The following PLD5 variants were observed in gnomAD, a reference collection of about 807,000 sequenced individuals.
PLD5 encodes inactive phospholipase D5.
A neutral mutation model predicts 61.1 loss-of-function variants in PLD5; 36 were observed. The observed-to-expected ratio is 0.59, with a 90% CI of 0.45 to 0.78. The LOEUF is 0.78. Ranked by LOEUF, PLD5 falls within the 30% of genes least tolerant of loss-of-function variation. The pLI, the probability that PLD5 is intolerant of heterozygous loss-of-function variation, is 0.00. For synonymous variants in PLD5, 243 were observed against 242.8 expected (o/e 1.00, Z -0.01); for missense variants, 515 against 644.4 (o/e 0.80, Z 2.17).
At chr1:242,261,285 C>T (rs567020031) in intron 4 of PLD5, among the ~76,000 whole-genome samples, 13 of 152,246 alleles carry the variant, frequency 8.5e-5, no homozygotes, top group Admixed American at 3.9e-4. Flanking sequence ...CTTTTTTAAA[C>T]GAACGACCCT....
chr1:242,255,055 C>G (rs1260783821), intron 4 of PLD5, among the ~76,000 whole-genome samples: 2 of 152,082 alleles, frequency 1.3e-5, no homozygotes, highest in Admixed American at 6.6e-5. Flanking sequence ...GAAAAGCATG[C>G]CGGGGTGACC....
Position 242,508,367 on chromosome 1 carries a change from C to G in PLD5, c.189+15721G>C, listed in dbSNP as rs535214442. 3.1e-3 allele frequency among the ~76,000 whole-genome samples: 474 copies of G among 151,512 alleles called. 3 individuals are homozygous for G. The highest frequency in any genetic ancestry group is 0.011 in the African/African-American group (454 of 41,042). The stretch of plus-strand genomic sequence containing the variant: ...CAGCCTGGGCAACAGGGGTGAAACT[C>G]CGTCTCAAAAAAAAAAAAATTTTGT... On this transcript the variant is annotated intron_variant, in intron 1 of 9. Coordinates refer to ENST00000536534, the MANE Select transcript of PLD5 (RefSeq NM_001372062.1).
At chr1:242,385,878 T>G (rs1160950592) in intron 1 of PLD5, among the ~76,000 whole-genome samples, 1 of 152,180 alleles carries the variant, frequency 6.6e-6, no homozygotes, top group Non-Finnish European at 1.5e-5. Context: ...ACTGAGTGTA[T>G]TTCAAAGCTG....
intron 5 of PLD5, among the ~76,000 whole-genome samples, chr1:242,135,363 A>G (rs1215916675): frequency 6.6e-6 from 1 of 152,172 alleles, no homozygotes; most frequent in African/African-American, 2.4e-5. Context: ...CACTTCTGCC[A>G]TACCTTCTGC....
intron 4 of PLD5, among the ~76,000 whole-genome samples, chr1:242,245,924 C>T (rs1160987206): frequency 1.3e-5 from 2 of 152,160 alleles, no homozygotes; most frequent in Non-Finnish European, 2.9e-5. Flanking sequence ...GCATTTCCCT[C>T]CTTATACCAT....
At chr1:242,299,210 C>T (rs944255602) in intron 2 of PLD5, among the ~76,000 whole-genome samples, 4 of 152,052 alleles carry the variant, frequency 2.6e-5, no homozygotes, top group South Asian at 2.1e-4. Context: ...TACAGGCATG[C>T]GATGTGAAAT....
At chr1:242,516,584 A>T (rs1424646433) in intron 1 of PLD5, among the ~76,000 whole-genome samples, 3 of 152,166 alleles carry the variant, frequency 2.0e-5, no homozygotes, top group African/African-American at 7.2e-5. Context: ...TGAAAAGATT[A>T]TCTCTTTCCC....
At chr1:242,323,653 GC>G (rs1278551727) in intron 2 of PLD5, among the ~76,000 whole-genome samples, 2 of 152,144 alleles carry the variant, frequency 1.3e-5, no homozygotes, top group Non-Finnish European at 2.9e-5. Context: ...AGGAACTGCT[GC>G]CCCCATTCAG....
At chr1:242,456,414 C>T (rs969534996) in intron 1 of PLD5, among the ~76,000 whole-genome samples, 3 of 152,188 alleles carry the variant, frequency 2.0e-5, no homozygotes, top group Admixed American at 6.5e-5. Flanking sequence ...GACTGAAAGG[C>T]ACACATTTAG....
intron 4 of PLD5, among the ~76,000 whole-genome samples, chr1:242,251,322 T>C (rs1320967407): frequency 1.3e-5 from 2 of 151,890 alleles, no homozygotes; most frequent in African/African-American, 4.8e-5. Context: ...TTTAAGGGAA[T>C]GATAGTGTAT....
At chr1:242,126,792 A>G (rs1662819556) in intron 5 of PLD5, among the ~76,000 whole-genome samples, 1 of 152,232 alleles carries the variant, frequency 6.6e-6, no homozygotes, top group African/African-American at 2.4e-5. Flanking sequence ...AATGCAATAA[A>G]AACAAAAATA....
chr1:242,322,952 TGTCTTCCCCA>T (rs1658514476), intron 2 of PLD5, among the ~76,000 whole-genome samples: 1 of 152,216 alleles, frequency 6.6e-6, no homozygotes, highest in Non-Finnish European at 1.5e-5. Context: ...GTTTATTATC[TGTCTTCCCCA>T]TTAGACTCTG....
intron 8 of PLD5, among the ~76,000 whole-genome samples, chr1:242,103,177 G>A (rs559974103): frequency 2.0e-5 from 3 of 152,072 alleles, no homozygotes; most frequent in Non-Finnish European, 4.4e-5. Context: ...CGAATAACAG[G>A]GGCTCCTCTG....
intron 1 of PLD5, among the ~76,000 whole-genome samples, chr1:242,486,693 C>T (rs1667973571): frequency 1.3e-5 from 2 of 152,098 alleles, no homozygotes; most frequent in South Asian, 4.2e-4. Context: ...CCATTTGACC[C>T]AGCCATCCCA....
At position 242,100,699 on chromosome 1, in the gene PLD5, CTTG is replaced by C. The variant is rs768804082; in HGVS notation, c.1320_1322del (p.Asn440del). The C allele has an allele frequency of 1.9e-6, 3 of 1,613,818 alleles. No individual in the cohort carries two copies. The highest frequency in any genetic ancestry group is 2.7e-5 in the African/African-American group (2 of 74,842). On this transcript the variant is annotated inframe_deletion, in exon 9 of 10. Transcript: ENST00000536534. ...AAGCTGCTCCATCTGTCACCATGTA[CTTG>C]TTGCGATTTAACCTAGGAAAGGTGT...
At chr1:242,227,608 C>T (rs977019050) in intron 4 of PLD5, among the ~76,000 whole-genome samples, 1 of 152,222 alleles carries the variant, frequency 6.6e-6, no homozygotes, top group Non-Finnish European at 1.5e-5. Flanking sequence ...AGGCAATCTG[C>T]CTGCCTCGGC....
chr1:242,476,561 A>C (rs1464085766), intron 1 of PLD5, among the ~76,000 whole-genome samples: 1 of 152,136 alleles, frequency 6.6e-6, no homozygotes, highest in East Asian at 1.9e-4. Flanking sequence ...TATGATCATT[A>C]CAAGAGATCA....
At chr1:242,184,074 T>C (rs1159250147) in intron 5 of PLD5, among the ~76,000 whole-genome samples, 1 of 152,198 alleles carries the variant, frequency 6.6e-6, no homozygotes, top group African/African-American at 2.4e-5. Flanking sequence ...TGTGGACCTG[T>C]TCAGCACTGC....
chr1:242,220,918 G>T (rs1461401390), intron 4 of PLD5, among the ~76,000 whole-genome samples: 2 of 151,914 alleles, frequency 1.3e-5, no homozygotes, highest in Non-Finnish European at 2.9e-5. Flanking sequence ...TGTACTTTTA[G>T]TAGAGAGGGG....
Sources: allele counts gnomAD v4.1 joint callset (sites outside exome capture counted in the v4.1 genomes callset), GRCh38; gene constraint gnomAD v4.1.1; transcripts MANE v1.5; gene names NCBI Gene and HGNC (gene_info 2026-07-23, HGNC 2026-07-21).